LRMDA: variants seen among roughly 807,000 people sequenced by gnomAD.
The protein encoded by LRMDA is leucine rich melanocyte differentiation associated.
Under a neutral mutation model 29.8 loss-of-function variants are expected in LRMDA, and 18 were observed. That is an observed-to-expected ratio of 0.60 (90% CI 0.42 to 0.90). The LOEUF (loss-of-function observed/expected upper bound fraction) is 0.90. Among genes scored for constraint, LRMDA ranks in the 40% least tolerant of loss-of-function variants. LRMDA has a pLI of 0.00. For synonymous variants in LRMDA, 125 were observed against 109.4 expected (o/e 1.14, Z -0.89); for missense variants, 273 against 273.9 (o/e 1.00, Z 0.02).
At chr10:75,929,256 A>C (rs940114359) in intron 2 of LRMDA, among the ~76,000 whole-genome samples, 2 of 152,094 alleles carry the variant, frequency 1.3e-5, no homozygotes, top group African/African-American at 4.8e-5. Flanking sequence ...GCCTGTATAC[A>C]TGTGTAAGTG....
At chr10:76,035,096 GTTTT>G (rs397847311) in intron 2 of LRMDA, among the ~76,000 whole-genome samples, 6 of 138,086 alleles carry the variant, frequency 4.3e-5, no homozygotes, top group East Asian at 2.1e-4. Flanking sequence ...CCTTTCTGCT[GTTTT>G]TTTTTTTTTT....
chr10:75,695,512 T>C (rs1842222948), intron 2 of LRMDA, among the ~76,000 whole-genome samples: 2 of 152,166 alleles, frequency 1.3e-5, no homozygotes, highest in South Asian at 4.1e-4. Context: ...TTCCTTTTCC[T>C]CTTTCCTTTC....
intron 2 of LRMDA, among the ~76,000 whole-genome samples, chr10:75,692,597 GTGTGTGTGTA>G (rs1193403953): frequency 4.3e-5 from 6 of 139,212 alleles, no homozygotes; most frequent in East Asian, 2.1e-4. Context: ...GTGTGTGTGT[GTGTGTGTGTA>G]TGTGTATGTA....
At chr10:75,773,458 G>A (rs1843270035) in intron 2 of LRMDA, among the ~76,000 whole-genome samples, 1 of 152,174 alleles carries the variant, frequency 6.6e-6, no homozygotes, top group African/African-American at 2.4e-5. Context: ...GTCCAGTGGA[G>A]CAGGTCTGGT....
intron 2 of LRMDA, among the ~76,000 whole-genome samples, chr10:76,008,510 A>G (rs1335627533): frequency 2.0e-5 from 3 of 152,170 alleles, no homozygotes; most frequent in Non-Finnish European, 4.4e-5. Context: ...TTCAATTCCG[A>G]GGCTGGCTTC....
At chr10:75,645,859 CCTT>C (rs1475018447) in intron 2 of LRMDA, among the ~76,000 whole-genome samples, 1 of 152,030 alleles carries the variant, frequency 6.6e-6, no homozygotes, top group Non-Finnish European at 1.5e-5. Flanking sequence ...TTATTCTTTC[CCTT>C]CTTCTCATCC....
chr10:75,824,314 C>G (rs1844213893), intron 2 of LRMDA, among the ~76,000 whole-genome samples: 1 of 152,110 alleles, frequency 6.6e-6, no homozygotes, highest in Non-Finnish European at 1.5e-5. Flanking sequence ...CAATGCTGGT[C>G]TAGATCAGGA....
At position 76,403,626 on chromosome 10, in the gene LRMDA, T is replaced by C. The variant is rs1564531759; in HGVS notation, c.601+79141T>C. Among the ~76,000 whole-genome samples, 5 of 152,230 alleles carry C rather than the reference T, an allele frequency of 3.3e-5. No individual in the cohort carries two copies. The South Asian group carries it at 1.0e-3, about 32-fold the overall frequency. ...ATTATTAATCTTCAGAGATAAGTAC[T>C]GTTCAGTGCATAATGAGTTCGAATT... On this transcript the variant is annotated intron_variant, in intron 6 of 6. Transcript: ENST00000611255.
intron 6 of LRMDA, among the ~76,000 whole-genome samples, chr10:76,411,699 G>A (rs1841962881): frequency 6.6e-6 from 1 of 152,240 alleles, no homozygotes. Flanking sequence ...TGGAGGTAGA[G>A]AGAAGTGAAT....
At chr10:75,822,907 T>C (rs938720907) in intron 2 of LRMDA, among the ~76,000 whole-genome samples, 5 of 152,140 alleles carry the variant, frequency 3.3e-5, no homozygotes, top group African/African-American at 1.2e-4. Flanking sequence ...CAATAAATAA[T>C]GCTGGCATAA....
chr10:76,148,164 C>G (rs192134006), intron 5 of LRMDA, among the ~76,000 whole-genome samples: 6 of 152,206 alleles, frequency 3.9e-5, no homozygotes, highest in African/African-American at 1.4e-4. Flanking sequence ...TCTGTCTGTT[C>G]TCAGATCTCA....
At chr10:76,176,529 C>A (rs549100719) in intron 5 of LRMDA, among the ~76,000 whole-genome samples, 1 of 152,344 alleles carries the variant, frequency 6.6e-6, no homozygotes, top group South Asian at 2.1e-4. Context: ...CGCGGTGGCT[C>A]ACGCCTGCAA....
At chr10:75,995,501 T>C (rs975836255) in intron 2 of LRMDA, among the ~76,000 whole-genome samples, 16 of 152,236 alleles carry the variant, frequency 1.1e-4, no homozygotes, top group Admixed American at 6.5e-5. Flanking sequence ...GGGTTATAAA[T>C]CTGGCTTTCA....
chr10:75,661,751 A>G (rs1841756559), intron 2 of LRMDA, among the ~76,000 whole-genome samples: 1 of 152,148 alleles, frequency 6.6e-6, no homozygotes, highest in Non-Finnish European at 1.5e-5. Context: ...GGCCTTTCCT[A>G]TGGAGGGAAG....
intron 2 of LRMDA, among the ~76,000 whole-genome samples, chr10:75,466,638 G>A (rs576772978): frequency 6.6e-6 from 1 of 152,146 alleles, no homozygotes; most frequent in Admixed American, 6.5e-5. Context: ...TCCTGAAGGT[G>A]CAGGGCTTGG....
At chr10:75,570,701 G>A (rs557568973) in intron 2 of LRMDA, among the ~76,000 whole-genome samples, 26 of 152,096 alleles carry the variant, frequency 1.7e-4, no homozygotes, top group Non-Finnish European at 3.1e-4. Flanking sequence ...TAATGTATAC[G>A]CTCTTTTTCC....
At chr10:76,229,817 T>A (rs1248243990) in intron 5 of LRMDA, among the ~76,000 whole-genome samples, 1 of 152,138 alleles carries the variant, frequency 6.6e-6, no homozygotes, top group Non-Finnish European at 1.5e-5. Flanking sequence ...GCACCCAACC[T>A]GGGTGTGTTT....
intron 5 of LRMDA, among the ~76,000 whole-genome samples, chr10:76,068,964 T>C (rs780554567): frequency 1.3e-5 from 2 of 152,224 alleles, no homozygotes; most frequent in African/African-American, 2.4e-5. Flanking sequence ...CTCTGCCCTT[T>C]ATCCCAAATG....
chr10:76,236,867 T>C (rs1589388042), intron 5 of LRMDA, among the ~76,000 whole-genome samples: 1 of 152,360 alleles, frequency 6.6e-6, no homozygotes, highest in Non-Finnish European at 1.5e-5. Flanking sequence ...ATTTATGACT[T>C]AGTAATTTAT....
Sources: allele counts gnomAD v4.1 joint callset (sites outside exome capture counted in the v4.1 genomes callset), GRCh38; gene constraint gnomAD v4.1.1; transcripts MANE v1.5; gene names NCBI Gene and HGNC (gene_info 2026-07-23, HGNC 2026-07-21).